The following KPNA3 variants were observed in gnomAD, a reference collection of about 807,000 sequenced individuals.
The protein encoded by KPNA3 is importin subunit alpha-4.
KPNA3 carries 13 observed loss-of-function variants against 73.8 expected under a neutral mutation model. That is an observed-to-expected ratio of 0.18 (90% CI 0.11 to 0.28). KPNA3 has a LOEUF of 0.28. Among genes scored for constraint, KPNA3 ranks in the 10% least tolerant of loss-of-function variants. KPNA3 has a pLI of 1.00. For synonymous variants in KPNA3, 186 were observed against 206.9 expected (o/e 0.90, Z 0.87); for missense variants, 360 against 618.1 (o/e 0.58, Z 4.43).
intron 14 of KPNA3, 30 bp from the exon 15 acceptor site, chr13:49,705,813 A>G: frequency 6.7e-7 from 1 of 1,501,978 alleles, no homozygotes; most frequent in Non-Finnish European, 9.0e-7. Context: ...AAATATTTTT[A>G]TTTATATAAT....
At chr13:49,707,262 GGTTA>G (rs1370211341) in intron 12 of KPNA3, among the ~76,000 whole-genome samples, 1 of 152,132 alleles carries the variant, frequency 6.6e-6, no homozygotes, top group Non-Finnish European at 1.5e-5. Context: ...GCTGTTTACA[GGTTA>G]GTATCACATG....
chr13:49,778,886 G>A (rs973142353), intron 1 of KPNA3, among the ~76,000 whole-genome samples: 6 of 152,140 alleles, frequency 3.9e-5, no homozygotes, highest in African/African-American at 1.4e-4. Context: ...GGGATTACAG[G>A]TGTGAGCCAC....
intron 1 of KPNA3, among the ~76,000 whole-genome samples, chr13:49,779,420 G>GC (rs2137602066): frequency 6.6e-6 from 1 of 152,188 alleles, no homozygotes; most frequent in South Asian, 2.1e-4. Flanking sequence ...CCCTAATGCA[G>GC]CCCATCCTCA....
At chr13:49,733,173 T>C in intron 2 of KPNA3, 127 bp from the exon 3 acceptor site, 4 of 669,032 alleles carry the variant, frequency 6.0e-6, no homozygotes, top group Non-Finnish European at 1.1e-5. Context: ...ATAATATGAA[T>C]TAAATGTGCA....
At chr13:49,716,597 C>A (rs1464429391) in intron 10 of KPNA3, among the ~76,000 whole-genome samples, 1 of 151,974 alleles carries the variant, frequency 6.6e-6, no homozygotes, top group African/African-American at 2.4e-5. Flanking sequence ...CATCATGATG[C>A]CCAGCTAATT....
chr13:49,712,362 G>A (rs1291404975), intron 10 of KPNA3, among the ~76,000 whole-genome samples: 1 of 151,772 alleles, frequency 6.6e-6, no homozygotes, highest in Non-Finnish European at 1.5e-5. Context: ...ATGCACTGGT[G>A]AACAATTATG....
intron 10 of KPNA3, among the ~76,000 whole-genome samples, chr13:49,713,455 AC>A (rs1329365638): frequency 2.6e-4 from 39 of 152,158 alleles, no homozygotes; most frequent in African/African-American, 9.4e-4. Flanking sequence ...AATGGCAACT[AC>A]AACTTGCACA....
intron 12 of KPNA3, among the ~76,000 whole-genome samples, chr13:49,708,225 G>C (rs1423884744): frequency 6.6e-6 from 1 of 152,066 alleles, no homozygotes; most frequent in Non-Finnish European, 1.5e-5. Flanking sequence ...TCAATCTCCT[G>C]ACCTCGTGAT....
At chr13:49,717,764 A>AT (rs1954318913) in intron 10 of KPNA3, among the ~76,000 whole-genome samples, 1 of 152,246 alleles carries the variant, frequency 6.6e-6, no homozygotes, top group African/African-American at 2.4e-5. Flanking sequence ...TGCCTGGCAG[A>AT]TTTTAAACTC....
chr13:49,762,352 C>T (rs1348780047), intron 1 of KPNA3, among the ~76,000 whole-genome samples: 2 of 152,206 alleles, frequency 1.3e-5, no homozygotes, highest in African/African-American at 2.4e-5. Context: ...GCCACCACTC[C>T]GTCTGGGAAG....
At chr13:49,751,449 T>C (rs774055873) in intron 1 of KPNA3, among the ~76,000 whole-genome samples, 1 of 152,212 alleles carries the variant, frequency 6.6e-6, no homozygotes, top group African/African-American at 2.4e-5. Flanking sequence ...TTCCATGCAC[T>C]GAATCAATTT....
intron 1 of KPNA3, among the ~76,000 whole-genome samples, chr13:49,753,042 A>AG (rs1424110979): frequency 2.7e-5 from 4 of 149,558 alleles, no homozygotes; most frequent in Non-Finnish European, 3.0e-5. Flanking sequence ...AAAAAAAAAA[A>AG]AAAAAAAAAA....
chr13:49,725,333 A>G, intron 7 of KPNA3, 83 bp downstream of exon 7: 1 of 625,766 alleles, frequency 1.6e-6, no homozygotes. Context: ...AAATGTTACA[A>G]GATAAAATTT....
At chr13:49,761,665 T>C (rs1954762438) in intron 1 of KPNA3, among the ~76,000 whole-genome samples, 1 of 152,172 alleles carries the variant, frequency 6.6e-6, no homozygotes, top group African/African-American at 2.4e-5. Flanking sequence ...CGCCACCCCG[T>C]CTGGGAAGTG....
intron 1 of KPNA3, among the ~76,000 whole-genome samples, chr13:49,765,521 G>A (rs1473002248): frequency 1.3e-5 from 2 of 152,028 alleles, no homozygotes; most frequent in African/African-American, 4.8e-5. Context: ...CATATTTTCT[G>A]AGAGGAGGTC....
chr13:49,743,542 T>C (rs1037929214), intron 2 of KPNA3, among the ~76,000 whole-genome samples: 2 of 151,212 alleles, frequency 1.3e-5, no homozygotes, highest in Non-Finnish European at 2.9e-5. Context: ...TTTTCAGAAA[T>C]TGAACCTTAG....
chr13:49,733,037 C>G lies in KPNA3; in HGVS notation c.124G>C (p.Asp42His). 6.2e-7 allele frequency: 1 copy of G among 1,605,208 alleles called. No homozygotes were observed. The highest frequency in any genetic ancestry group is 8.5e-7 in the Non-Finnish European group (1 of 1,173,124). The part of the protein sequence containing the change: ...VTVELRKNKR[D>H]EHLLKKRNVP... ...TTTCTCTTTTTCAATAAGTGTTCAT[C>G]TCTTTTGTTCTGAAAGGCAACCAAT... The change falls in exon 3 of 17, where the codon GAT becomes CAT. Residue 42 changes from aspartate to histidine, a missense_variant. This residue lies in a region of KPNA3 where 287 missense variants were observed against 549.1 expected (regional missense o/e 0.52). Transcript: ENST00000261667.
chr13:49,718,290 T>C (rs1248373974), intron 10 of KPNA3, among the ~76,000 whole-genome samples: 1 of 152,234 alleles, frequency 6.6e-6, no homozygotes, highest in Non-Finnish European at 1.5e-5. Context: ...GTTAAGGTCT[T>C]AGAAGGCATG....
intron 1 of KPNA3, among the ~76,000 whole-genome samples, chr13:49,776,836 A>G (rs1954901926): frequency 6.6e-6 from 1 of 152,206 alleles, no homozygotes; most frequent in Non-Finnish European, 1.5e-5. Context: ...AGCATTCCCA[A>G]GTATATATTA....
Sources: gnomAD v4.1 joint callset for allele counts (sites outside exome capture counted in the v4.1 genomes callset) on GRCh38, gnomAD v4.1.1 for gene constraint, gnomAD v4.1.1 regional missense constraint, MANE v1.5 for transcripts, NCBI Gene and HGNC (gene_info 2026-07-23, HGNC 2026-07-21) for gene names.